The following USP50 variants were observed in gnomAD, a reference collection of about 807,000 sequenced individuals.
The protein encoded by USP50 is ubiquitin carboxyl-terminal hydrolase 50.
Under a neutral mutation model 39.2 loss-of-function variants are expected in USP50, and 37 were observed. The ratio of observed to expected loss-of-function variants is 0.94; its 90% CI spans 0.73 to 1.24. The LOEUF (loss-of-function observed/expected upper bound fraction) is 1.24, where lower values mean the gene tolerates loss of function less well. Among genes scored for constraint, USP50 ranks in the 50% most tolerant of loss-of-function variants. The pLI is 0.00. For synonymous variants in USP50, 139 were observed against 144.5 expected (o/e 0.96, Z 0.27); for missense variants, 374 against 398.2 (o/e 0.94, Z 0.52).
chr15:50,523,811 C>T (rs2052868905), intron 6 of USP50, among the ~76,000 whole-genome samples: 1 of 151,982 alleles, frequency 6.6e-6, no homozygotes, highest in African/African-American at 2.4e-5. Flanking sequence ...GACAAAAGAC[C>T]TCAAATTGCC....
intron 1 of USP50, among the ~76,000 whole-genome samples, chr15:50,495,339 C>T (rs1402910828): frequency 1.1e-5 from 1 of 89,696 alleles, no homozygotes; most frequent in African/African-American, 5.3e-5. Context: ...CATATATATA[C>T]ACATACATAT....
At chr15:50,517,819 A>G (rs977203941) in intron 6 of USP50, among the ~76,000 whole-genome samples, 1 of 151,798 alleles carries the variant, frequency 6.6e-6, no homozygotes, top group African/African-American at 2.4e-5. Context: ...CCTGGGTTCA[A>G]GTAATCCTCC....
At chr15:50,545,953 T>C (rs1397818180) in intron 1 of USP50, among the ~76,000 whole-genome samples, 1 of 151,110 alleles carries the variant, frequency 6.6e-6, no homozygotes, top group Admixed American at 6.7e-5. Flanking sequence ...TGATCTAGGA[T>C]GTCCTTCCCA....
intron 6 of USP50, among the ~76,000 whole-genome samples, chr15:50,525,507 T>C (rs2141366630): frequency 7.5e-6 from 1 of 132,616 alleles, no homozygotes; most frequent in African/African-American, 2.9e-5. Flanking sequence ...TGTATGTGTG[T>C]GTATATATAT....
At chr15:50,536,791 T>C (rs1268465615) in intron 5 of USP50, among the ~76,000 whole-genome samples, 2 of 152,098 alleles carry the variant, frequency 1.3e-5, no homozygotes, top group East Asian at 3.9e-4. Flanking sequence ...ATGAAAGAAA[T>C]CCAAGAGGAA....
At chr15:50,497,977 T>C (rs1388936841), downstream of USP50, among the ~76,000 whole-genome samples, 1 of 152,232 alleles carries the variant, frequency 6.6e-6, no homozygotes, top group Non-Finnish European at 1.5e-5. Flanking sequence ...TAAATTTTTC[T>C]AACAAAAGCT....
intron 1 of USP50, among the ~76,000 whole-genome samples, chr15:50,545,590 C>T (rs534073199): frequency 9.3e-5 from 14 of 150,954 alleles, no homozygotes; most frequent in African/African-American, 3.4e-4. Context: ...GTATGTATGG[C>T]ATATATATTG....
intron 6 of USP50, chr15:50,510,574 T>C (rs1200355338): frequency 6.6e-6 from 1 of 152,168 alleles, no homozygotes; most frequent in Non-Finnish European, 1.5e-5. Context: ...ATTGTGGGTA[T>C]GTAGAAGAAT....
downstream of USP50, chr15:50,499,431 A>G (rs986382991): frequency 2.3e-5 from 4 of 170,466 alleles, no homozygotes; most frequent in South Asian, 1.8e-4. Flanking sequence ...TCACATTTCT[A>G]AATCCCATCT....
intron 4 of USP50, among the ~76,000 whole-genome samples, chr15:50,539,722 G>C (rs1566911675): frequency 6.6e-6 from 1 of 152,184 alleles, no homozygotes; most frequent in South Asian, 2.1e-4. Context: ...CTACTTTGCA[G>C]TTTTCAGCAG....
At chr15:50,539,942 T>C (rs2053015695) in intron 4 of USP50, among the ~76,000 whole-genome samples, 1 of 152,300 alleles carries the variant, frequency 6.6e-6, no homozygotes, top group African/African-American at 2.4e-5. Flanking sequence ...GCAGATTTTG[T>C]TTGCAGAGGA....
chr15:50,539,649 C>T (rs2053013568), intron 4 of USP50, among the ~76,000 whole-genome samples: 1 of 150,934 alleles, frequency 6.6e-6, no homozygotes, highest in African/African-American at 2.4e-5. Flanking sequence ...CTCTTGATCT[C>T]GTGATCCGCC....
intron 6 of USP50, chr15:50,503,749 CAG>C (rs748135601): frequency 2.0e-5 from 3 of 152,148 alleles, no homozygotes; most frequent in African/African-American, 4.8e-5. Flanking sequence ...CAGAAGGAAA[CAG>C]AATTTCTAGA....
rs780012635 is a variant in USP50 at position 50,541,642 on chromosome 15, CAT to C, written c.445-380_445-379del. On this transcript the variant is annotated intron_variant, in intron 3 of 6. Coordinates refer to ENST00000532404, the MANE Select transcript of USP50 (RefSeq NM_203494.5). ...AAGATATCCTTGAAAGTATATATATCATGTGTGATTTCTGATAATTCAGATAT... is the reference window on the plus strand; with the variant it reads ...AAGATATCCTTGAAAGTATATATATCGTGTGATTTCTGATAATTCAGATAT... Among the ~76,000 whole-genome samples, 7 of 152,122 alleles carry C rather than the reference CAT, an allele frequency of 4.6e-5. No individual in the cohort carries two copies. In the East Asian group the frequency reaches 7.7e-4, roughly 17 times the overall value.
chr15:50,515,988 T>C (rs373877470), intron 6 of USP50, among the ~76,000 whole-genome samples: 1 of 152,176 alleles, frequency 6.6e-6, no homozygotes, highest in African/African-American at 2.4e-5. Context: ...TACAAAAATA[T>C]GTAAATTTTG....
chr15:50,498,486 T>C, downstream of USP50: 5 of 1,370,148 alleles, frequency 3.6e-6, no homozygotes, highest in Non-Finnish European at 4.8e-6. Flanking sequence ...TCCAAGTCTT[T>C]GTATTTGAAA....
chr15:50,499,146 A>C, downstream of USP50: 1 of 1,486,544 alleles, frequency 6.7e-7, no homozygotes, highest in Non-Finnish European at 9.0e-7. Flanking sequence ...CAACTCTTGA[A>C]ATGCTTATCA....
At chr15:50,531,287 C>T (rs1223258401) in intron 5 of USP50, among the ~76,000 whole-genome samples, 1 of 152,124 alleles carries the variant, frequency 6.6e-6, no homozygotes, top group Non-Finnish European at 1.5e-5. Context: ...AAGTTGTATT[C>T]CTAACTATGC....
Position 50,546,629 on chromosome 15 carries a change from A to G in USP50, c.-104T>C. 2 of 1,246,998 alleles carry G rather than the reference A, an allele frequency of 1.6e-6. No individual in the cohort carries two copies. Among genetic ancestry groups the G allele is most frequent in the East Asian group, 4.8e-5 (2 of 42,048 alleles). 77.2% of individuals were successfully genotyped at this position (1,246,998 alleles called of 1,614,324 possible). ...TTAACGCTGGCTTTTTGTTTTAAAC[A>G]ATTGATATGCTCCTCTCTCTTCCAG... On this transcript the variant is annotated 5_prime_UTR_variant, in exon 1 of 7. Transcript: ENST00000532404.
Sources: gnomAD v4.1 joint callset for allele counts (sites outside exome capture counted in the v4.1 genomes callset) on GRCh38, gnomAD v4.1.1 for gene constraint, MANE v1.5 for transcripts, NCBI Gene and HGNC (gene_info 2026-07-23, HGNC 2026-07-21) for gene names.